The following SAMD5 variants were observed in gnomAD, a reference collection of about 807,000 sequenced individuals.
SAMD5 encodes the protein sterile alpha motif domain-containing protein 5.
SAMD5 carries 13 observed loss-of-function variants against 11.3 expected under a neutral mutation model. That is an observed-to-expected ratio of 1.15 (90% confidence interval 0.75 to 1.83). SAMD5 has a LOEUF of 1.83. SAMD5 is among the 40% of genes most tolerant of loss of function. The pLI, the probability that SAMD5 is intolerant of heterozygous loss-of-function variation, is 0.00. For missense variants in SAMD5, 255 were observed against 239.1 expected, an observed-to-expected ratio of 1.07 and a Z score of -0.44; for synonymous variants, 129 against 111.3, an observed-to-expected ratio of 1.16 and a Z score of -1.00.
At chr6:147,542,910 G>T (rs1788629063) in intron 1 of SAMD5, among the ~76,000 whole-genome samples, 1 of 152,144 alleles carries the variant, frequency 6.6e-6, no homozygotes, top group Non-Finnish European at 1.5e-5. Flanking sequence ...CCAAAAGTTA[G>T]TTCAGCCCAC....
the SAMD5 span, among the ~76,000 whole-genome samples, chr6:147,919,083 G>T: frequency 6.6e-6 from 1 of 152,162 alleles, no homozygotes; most frequent in Non-Finnish European, 1.5e-5. Flanking sequence ...CTAGGGATGG[G>T]GAGTAACTTA....
At chr6:147,751,422 AG>A in the SAMD5 span, among the ~76,000 whole-genome samples, 1 of 152,194 alleles carries the variant, frequency 6.6e-6, no homozygotes, top group East Asian at 1.9e-4. Flanking sequence ...TTGTATCCTC[AG>A]CACCTTGAAC....
the SAMD5 span, among the ~76,000 whole-genome samples, chr6:147,757,066 T>G: frequency 1.4e-4 from 22 of 152,348 alleles, no homozygotes; most frequent in Middle Eastern, 3.4e-3. Flanking sequence ...GACAGTTGAC[T>G]GGCTGAACTT....
the SAMD5 span, among the ~76,000 whole-genome samples, chr6:147,816,716 A>G: frequency 2.0e-5 from 3 of 152,200 alleles, no homozygotes; most frequent in African/African-American, 7.2e-5. Context: ...GAATTGAAAG[A>G]AGTCCTCCTT....
the SAMD5 span, among the ~76,000 whole-genome samples, chr6:147,940,379 C>G: frequency 9.5e-4 from 144 of 152,160 alleles, no homozygotes; most frequent in Middle Eastern, 6.8e-3. Context: ...ATCACACACA[C>G]GGGGCATGAG....
the SAMD5 span, among the ~76,000 whole-genome samples, chr6:147,808,654 G>A: frequency 6.6e-6 from 1 of 152,098 alleles, no homozygotes; most frequent in African/African-American, 2.4e-5. Flanking sequence ...CTTGTTTAAA[G>A]TTTCATTCTA....
chr6:147,571,912 A>C (rs1428064350), downstream of SAMD5, among the ~76,000 whole-genome samples: 1 of 152,126 alleles, frequency 6.6e-6, no homozygotes, highest in East Asian at 1.9e-4. Context: ...AAAAGTGCTC[A>C]GTGGACAGCA....
At chr6:147,896,505 G>T in the SAMD5 span, among the ~76,000 whole-genome samples, 2 of 152,046 alleles carry the variant, frequency 1.3e-5, no homozygotes, top group East Asian at 3.9e-4. Context: ...TAGGGAGCCG[G>T]AGTCTCTGCA....
At chr6:147,920,329 T>A in the SAMD5 span, among the ~76,000 whole-genome samples, 1 of 152,178 alleles carries the variant, frequency 6.6e-6, no homozygotes, top group African/African-American at 2.4e-5. Context: ...AACATCAGAC[T>A]CAAAGTTCTA....
intron 1 of SAMD5, among the ~76,000 whole-genome samples, chr6:147,559,348 G>T (rs1788910033): frequency 6.6e-6 from 1 of 152,240 alleles, no homozygotes; most frequent in Non-Finnish European, 1.5e-5. Flanking sequence ...CCCCAGGATA[G>T]CATAAACAAA....
chr6:147,527,158 A>G (rs1304069180), intron 1 of SAMD5, among the ~76,000 whole-genome samples: 1 of 152,210 alleles, frequency 6.6e-6, no homozygotes, highest in African/African-American at 2.4e-5. Context: ...CACATAACTC[A>G]GTGTACTAGT....
Position 147,624,329 on chromosome 6 carries a change from A to AC in SAMD5, c.163-112982dup, listed in dbSNP as rs770380307. On this transcript the variant is annotated intron_variant, in intron 1 of 1. Transcript: ENST00000566741. ...CCCACCCCACCCCCATCCCTAGCCC[A>AC]CCCCCCAGGGGATGTGGCAGTGCCC... Among the ~76,000 whole-genome samples, 506 of 126,974 alleles carry AC rather than the reference A, an allele frequency of 4.0e-3. 2 individuals carry two copies. Among genetic ancestry groups the AC allele is most frequent in the Non-Finnish European group, 6.1e-3 (366 of 59,590 alleles). The allele number at this position is 126,974 out of a possible 152,430, so 83.3% of individuals were successfully genotyped here. A position where few individuals can be genotyped will look rare whatever the true frequency, so the allele number is the denominator to read the frequency against.
the SAMD5 span, among the ~76,000 whole-genome samples, chr6:147,924,355 A>T: frequency 6.6e-6 from 1 of 152,186 alleles, no homozygotes; most frequent in African/African-American, 2.4e-5. Context: ...AACAGTAATG[A>T]GTAGGCTTAT....
chr6:147,654,423 T>G (rs1583125865), intron 1 of SAMD5, among the ~76,000 whole-genome samples: 1 of 152,162 alleles, frequency 6.6e-6, no homozygotes, highest in East Asian at 1.9e-4. Flanking sequence ...TTGCAGGGTT[T>G]GGAAGTGAAG....
the SAMD5 span, among the ~76,000 whole-genome samples, chr6:147,832,666 C>G: frequency 6.6e-6 from 1 of 152,182 alleles, no homozygotes; most frequent in African/African-American, 2.4e-5. Flanking sequence ...TGTATTTCAT[C>G]TATTGCTTCG....
intron 1 of SAMD5, among the ~76,000 whole-genome samples, chr6:147,544,737 T>C (rs1299961425): frequency 1.3e-5 from 2 of 152,224 alleles, no homozygotes; most frequent in Admixed American, 1.3e-4. Flanking sequence ...ACTCTATTTT[T>C]TGCATATCAT....
the SAMD5 span, among the ~76,000 whole-genome samples, chr6:147,891,040 A>C: frequency 1.3e-5 from 2 of 152,240 alleles, no homozygotes; most frequent in African/African-American, 4.8e-5. Context: ...TAAGTGAAAA[A>C]AATTACAGAT....
At chr6:147,695,998 A>T (rs1791169676) in intron 1 of SAMD5, among the ~76,000 whole-genome samples, 1 of 152,132 alleles carries the variant, frequency 6.6e-6, no homozygotes, top group African/African-American at 2.4e-5. Context: ...TGTTTTCCTC[A>T]TGCCATGTCT....
the SAMD5 span, among the ~76,000 whole-genome samples, chr6:147,853,628 A>AT: frequency 0.088 from 13,084 of 149,400 alleles, 749 homozygotes; most frequent in South Asian, 0.15. Context: ...AAGCATGAGA[A>AT]TTTTTTTTTT....
Sources: gnomAD v4.1 joint callset for allele counts (sites outside exome capture counted in the v4.1 genomes callset) on GRCh38, gnomAD v4.1.1 for gene constraint, MANE v1.5 for transcripts, NCBI Gene and HGNC (gene_info 2026-07-23, HGNC 2026-07-21) for gene names.